The following RASSF8 variants were observed in gnomAD, a reference collection of about 807,000 sequenced individuals.
RASSF8 encodes the protein Ras association domain family member 8.
RASSF8 carries 22 observed loss-of-function variants against 48.5 expected under a neutral mutation model. The ratio of observed to expected loss-of-function variants is 0.45; its 90% CI spans 0.32 to 0.65. The LOEUF (loss-of-function observed/expected upper bound fraction) is 0.65. Among genes scored for constraint, RASSF8 ranks in the 30% least tolerant of loss-of-function variants. RASSF8 has a pLI of 0.03. For synonymous variants in RASSF8, 127 were observed against 171.5 expected (o/e 0.74, Z 2.03); for missense variants, 418 against 489.2 (o/e 0.85, Z 1.37).
At chr12:26,023,923 A>G (rs1942845765) in intron 2 of RASSF8, among the ~76,000 whole-genome samples, 1 of 152,244 alleles carries the variant, frequency 6.6e-6, no homozygotes, top group African/African-American at 2.4e-5. Flanking sequence ...ACAGGAAGAA[A>G]TGAAGAGAAC....
Position 26,040,178 on chromosome 12 carries a change from T to C in RASSF8, c.-108-15058T>C, listed in dbSNP as rs2137153445. 1.3e-5 allele frequency among the ~76,000 whole-genome samples: 2 copies of C among 152,364 alleles called. 1 individual carries two copies. Among genetic ancestry groups the C allele is most frequent in the Non-Finnish European group, 2.9e-5 (2 of 68,038 alleles). On this transcript the variant is annotated intron_variant, in intron 2 of 5. Transcript: ENST00000689635. ...ATAACTTTAAATATATTAGTATTAT[T>C]GACTTTTAAAAAAGAAATTAGGAAA... is the stretch of plus-strand genomic sequence containing the variant.
chr12:26,001,724 T>C (rs999891654), intron 2 of RASSF8, among the ~76,000 whole-genome samples: 2 of 151,902 alleles, frequency 1.3e-5, no homozygotes. Context: ...TCTCCTATGA[T>C]AACAGTGCCT....
Position 26,068,714 on chromosome 12 carries a change from G to A in RASSF8, c.1156G>A (p.Gly386Arg). The A allele has an allele frequency of 6.5e-7, 1 of 1,537,150 alleles. No individual in the cohort carries two copies. The highest frequency in any genetic ancestry group is 8.7e-7 in the Non-Finnish European group (1 of 1,146,742). Residue 386 changes from glycine (G) to arginine (R), a missense_variant, in exon 6 of 6, where the codon GGG becomes AGG. Transcript: ENST00000689635. ...DIEREAPFQS[G>R]SLKRPGSSRQ... is the part of the protein sequence containing the mutation. ...CTGTTTAGAGGCACCATTCCAGTCT[G>A]GGTCCCTGAAGCGACCTGGTTCATC...
intron 2 of RASSF8, among the ~76,000 whole-genome samples, chr12:26,041,267 C>T (rs1943259411): frequency 1.3e-5 from 2 of 152,134 alleles, no homozygotes; most frequent in Admixed American, 1.3e-4. Flanking sequence ...CATGTTGAAA[C>T]ACAAGCTGAG....
chr12:26,033,210 A>G (rs1359850211), intron 2 of RASSF8, among the ~76,000 whole-genome samples: 2 of 152,232 alleles, frequency 1.3e-5, no homozygotes, highest in Non-Finnish European at 2.9e-5. Flanking sequence ...CCACATTCTT[A>G]CCAAAACTGA....
At chr12:25,993,686 T>A (rs552934278) in intron 1 of RASSF8, among the ~76,000 whole-genome samples, 4 of 152,186 alleles carry the variant, frequency 2.6e-5, no homozygotes, top group Admixed American at 2.6e-4. Flanking sequence ...CCAAGTCCTG[T>A]CACCCTCACA....
At chr12:26,056,976 C>T (rs144719887) in intron 3 of RASSF8, among the ~76,000 whole-genome samples, 35 of 150,892 alleles carry the variant, frequency 2.3e-4, no homozygotes, top group Non-Finnish European at 1.0e-4. Flanking sequence ...TCAAACCTGG[C>T]TTTCCTTGTT....
At chr12:26,020,901 A>G (rs1027424337) in intron 2 of RASSF8, among the ~76,000 whole-genome samples, 7 of 152,202 alleles carry the variant, frequency 4.6e-5, no homozygotes, top group Non-Finnish European at 7.3e-5. Context: ...AAGTAAAACA[A>G]CATGTGTATC....
At chr12:26,014,952 T>A (rs145571362) in intron 2 of RASSF8, among the ~76,000 whole-genome samples, 27 of 152,082 alleles carry the variant, frequency 1.8e-4, no homozygotes, top group African/African-American at 6.5e-4. Flanking sequence ...ACGCCTGTAA[T>A]CCCAGCACTT....
intron 2 of RASSF8, among the ~76,000 whole-genome samples, chr12:26,001,850 T>C (rs1228010673): frequency 6.6e-6 from 1 of 152,210 alleles, no homozygotes; most frequent in Non-Finnish European, 1.5e-5. Context: ...ATACACAAAC[T>C]GGTGACATAG....
intron 5 of RASSF8, chr12:26,078,907 G>A: frequency 4.1e-6 from 3 of 734,324 alleles, no homozygotes; most frequent in South Asian, 3.7e-5. Context: ...CAAAAAAAAA[G>A]GCGCTAACCG....
chr12:26,078,959 G>C, intron 5 of RASSF8: 2 of 1,410,612 alleles, frequency 1.4e-6, no homozygotes, highest in Non-Finnish European at 1.9e-6. Context: ...TTGAGATCAT[G>C]ATTATGTATA....
chr12:26,015,081 C>A (rs143719028), intron 2 of RASSF8, among the ~76,000 whole-genome samples: 1 of 151,640 alleles, frequency 6.6e-6, no homozygotes, highest in Non-Finnish European at 1.5e-5. Context: ...TCATTGTGTG[C>A]GCCTGTAGTC....
At chr12:26,073,746 T>TCTCTCTAC (rs10678881), downstream of RASSF8, among the ~76,000 whole-genome samples, 1 of 46,348 alleles carries the variant, frequency 2.2e-5, no homozygotes, top group African/African-American at 8.9e-5. Flanking sequence ...TCTCTCTCTC[T>TCTCTCTAC]ATACACACAC....
chr12:26,031,897 T>TGCTTATAAATATGTTTC (rs1943037856), intron 2 of RASSF8, among the ~76,000 whole-genome samples: 1 of 152,244 alleles, frequency 6.6e-6, no homozygotes, highest in South Asian at 2.1e-4. Flanking sequence ...CTATATGTTT[T>TGCTTATAAATATGTTTC]GCTTATAAAT....
chr12:26,055,955 G>A (rs1461035034), intron 3 of RASSF8, among the ~76,000 whole-genome samples: 4 of 152,212 alleles, frequency 2.6e-5, no homozygotes, highest in East Asian at 3.8e-4. Context: ...GGAGGCTGAG[G>A]CAGGCAGATC....
chr12:26,008,506 A>T (rs1942447127), intron 2 of RASSF8, among the ~76,000 whole-genome samples: 1 of 152,200 alleles, frequency 6.6e-6, no homozygotes, highest in Admixed American at 6.5e-5. Context: ...ACAACAAATA[A>T]TGCTTTCAGA....
At chr12:25,967,107 A>G (rs1941377468) in intron 1 of RASSF8, among the ~76,000 whole-genome samples, 1 of 152,228 alleles carries the variant, frequency 6.6e-6, no homozygotes, top group Non-Finnish European at 1.5e-5. Context: ...TGATATACAC[A>G]TGGTATTACA....
chr12:26,078,934 A>G, intron 5 of RASSF8: 1 of 1,185,850 alleles, frequency 8.4e-7, no homozygotes, highest in Non-Finnish European at 1.1e-6. Flanking sequence ...CAAAGACCCA[A>G]ACTAAAGCTA....
Sources: gnomAD v4.1 joint callset for allele counts (sites outside exome capture counted in the v4.1 genomes callset) on GRCh38, gnomAD v4.1.1 for gene constraint, MANE v1.5 for transcripts, NCBI Gene and HGNC (gene_info 2026-07-23, HGNC 2026-07-21) for gene names.